FGGY: variants seen among roughly 807,000 people sequenced by gnomAD.
The protein encoded by FGGY is FGGY carbohydrate kinase domain containing, also known as FGGY carbohydrate kinase domain-containing protein.
A neutral mutation model predicts 71.3 loss-of-function variants in FGGY; 72 were observed. That is an observed-to-expected ratio of 1.01 (90% CI 0.84 to 1.23). The LOEUF is 1.23. Ranked by LOEUF, FGGY falls within the 50% of genes most tolerant of loss-of-function variation. The pLI is 0.00. For missense variants in FGGY, 668 were observed against 682.3 expected, an observed-to-expected ratio of 0.98 and a Z score of 0.23; for synonymous variants, 251 against 250.3, an observed-to-expected ratio of 1.00 and a Z score of -0.02.
intron 5 of FGGY, among the ~76,000 whole-genome samples, chr1:59,396,854 G>A (rs1404154778): frequency 2.0e-5 from 3 of 152,194 alleles, no homozygotes; most frequent in Non-Finnish European, 4.4e-5. Flanking sequence ...AGCTGTAAGA[G>A]ATAGAGTTAG....
chr1:59,378,850 C>A lies in FGGY; in HGVS notation c.554+13C>A. On this transcript the variant is annotated intron_variant, in intron 5 of 15. Transcript: ENST00000303721. ...GTGTCACAGCACGGTATGTTAATTA[C>A]AAGTTGGATTGTGTTTGCGTTCTTC... 6.2e-7 allele frequency: 1 copy of A among 1,605,016 alleles called. No individual in the cohort carries two copies. Among genetic ancestry groups the A allele is most frequent in the South Asian group, 1.1e-5 (1 of 90,670 alleles).
At position 59,456,958 on chromosome 1, in the gene FGGY, TA is replaced by T. The variant is rs756321188; in HGVS notation, c.555-2del. 1.2e-6 allele frequency: 2 copies of T among 1,608,100 alleles called. No homozygotes were observed. The highest frequency in any genetic ancestry group is 2.2e-5 in the South Asian group (2 of 90,936). The stretch of plus-strand genomic sequence containing the variant: ...TCTATCTATATCTCTTCTATTTTCT[TA>T]GGTCTCTCTGCTCCCTGGTGTGTAA... On this transcript the variant is annotated splice_acceptor_variant, in intron 5 of 15. Coordinates refer to ENST00000303721, the MANE Select transcript of FGGY (RefSeq NM_018291.5). LOFTEE classifies it high-confidence loss of function.
intron 9 of FGGY, among the ~76,000 whole-genome samples, chr1:59,625,025 A>G (rs1419885955): frequency 2.0e-5 from 3 of 152,270 alleles, no homozygotes; most frequent in South Asian, 2.1e-4. Flanking sequence ...TGAACAAATT[A>G]TCTTCTTTAC....
At chr1:59,340,470 C>G (rs1212211043) in intron 3 of FGGY, among the ~76,000 whole-genome samples, 1 of 152,134 alleles carries the variant, frequency 6.6e-6, no homozygotes, top group African/African-American at 2.4e-5. Flanking sequence ...GAGCCAAGTC[C>G]TTTGAAAGGA....
At chr1:59,320,237 T>A (rs997892024) in intron 1 of FGGY, among the ~76,000 whole-genome samples, 1 of 152,258 alleles carries the variant, frequency 6.6e-6, no homozygotes, top group Non-Finnish European at 1.5e-5. Flanking sequence ...TTACTTTTAA[T>A]GAAGTTTTTA....
At chr1:59,465,818 A>C (rs140031757) in intron 6 of FGGY, among the ~76,000 whole-genome samples, 2,115 of 152,328 alleles carry the variant, frequency 0.014, 39 homozygotes, top group African/African-American at 0.048. Context: ...GTACCTCTTC[A>C]AGGAGAACTA....
chr1:59,667,370 C>T lies in FGGY; in HGVS notation c.1384C>T (p.Pro462Ser). ...CCTATGTGGAGGCCTCAGCAAGAAT[C>T]CCCTTTTTGTGCAAATGCATGCGGA... ...LFLCGGLSKN[P>S]LFVQMHADIT... The change falls in exon 13 of 16, where the codon CCC (proline) becomes TCC (serine). Residue 462 changes from proline (P) to serine (S), a missense_variant. Pro to Ser is a moderately conservative substitution (Grantham distance 74, BLOSUM62 -1). Transcript: ENST00000303721. 2 of 1,614,150 alleles carry T rather than the reference C, an allele frequency of 1.2e-6. No individual in the cohort carries two copies. Among genetic ancestry groups the T allele is most frequent in the Non-Finnish European group, 1.7e-6 (2 of 1,180,006 alleles).
chr1:59,556,428 G>A (rs112552028), intron 8 of FGGY, among the ~76,000 whole-genome samples: 178 of 152,294 alleles, frequency 1.2e-3, no homozygotes, highest in African/African-American at 3.4e-3. Context: ...GACCTAAAGC[G>A]TAGAAAAGTC....
intron 8 of FGGY, among the ~76,000 whole-genome samples, chr1:59,606,655 G>A (rs2096626475): frequency 6.6e-6 from 1 of 152,168 alleles, no homozygotes; most frequent in East Asian, 1.9e-4. Flanking sequence ...TGCTGACAGG[G>A]AGATAAAGCT....
chr1:59,668,852 G>A (rs549648465), intron 13 of FGGY, among the ~76,000 whole-genome samples: 3 of 152,080 alleles, frequency 2.0e-5, no homozygotes, highest in African/African-American at 4.8e-5. Flanking sequence ...TTAGCCAGGC[G>A]TGGTGGCGCA....
At chr1:59,439,890 T>A (rs1282078636) in intron 5 of FGGY, among the ~76,000 whole-genome samples, 1 of 152,172 alleles carries the variant, frequency 6.6e-6, no homozygotes, top group Non-Finnish European at 1.5e-5. Flanking sequence ...AAGTGATCGT[T>A]GATTTTAGAT....
intron 6 of FGGY, among the ~76,000 whole-genome samples, chr1:59,505,262 G>A (rs546115159): frequency 1.6e-4 from 24 of 152,310 alleles, no homozygotes; most frequent in Admixed American, 9.1e-4. Context: ...CTACTTGAGC[G>A]TAGGGGCCTT....
intron 8 of FGGY, among the ~76,000 whole-genome samples, chr1:59,603,951 C>T (rs1040614720): frequency 2.6e-5 from 4 of 152,198 alleles, no homozygotes. Flanking sequence ...TTTTGTAACA[C>T]TGGGCATGTT....
intron 6 of FGGY, among the ~76,000 whole-genome samples, chr1:59,483,514 C>T (rs888099007): frequency 2.0e-5 from 3 of 152,094 alleles, no homozygotes; most frequent in Admixed American, 2.0e-4. Context: ...CAAACTTTTC[C>T]TAAACAGGAC....
chr1:59,341,379 A>G (rs567607486), intron 3 of FGGY, among the ~76,000 whole-genome samples: 3 of 152,246 alleles, frequency 2.0e-5, no homozygotes, highest in Non-Finnish European at 4.4e-5. Flanking sequence ...AGGACTATAA[A>G]TGATCATCTA....
chr1:59,757,993 G>A lies in FGGY; in HGVS notation c.1574+1G>A, dbSNP rs1559009205. On this transcript the variant is annotated splice_donor_variant, in intron 15 of 15. Transcript: ENST00000303721. LOFTEE classifies it high-confidence loss of function. The stretch of plus-strand genomic sequence containing the variant: ...TGTTCCCGAGACTACAGGATAAAAA[G>A]TAAGTGTGTATTTTTTATATGTACA... 6.2e-7 allele frequency: 1 copy of A among 1,609,888 alleles called. No homozygotes were observed. The highest frequency in any genetic ancestry group is 8.5e-7 in the Non-Finnish European group (1 of 1,176,784).
At chr1:59,409,165 A>AT (rs945892985) in intron 5 of FGGY, among the ~76,000 whole-genome samples, 1 of 152,058 alleles carries the variant, frequency 6.6e-6, no homozygotes, top group Non-Finnish European at 1.5e-5. Context: ...TAGAATTATG[A>AT]TTTTTTTCTT....
chr1:59,327,393 GC>G (rs2047640306), intron 2 of FGGY, among the ~76,000 whole-genome samples: 3 of 152,150 alleles, frequency 2.0e-5, no homozygotes, highest in Admixed American at 2.0e-4. Context: ...ATAAGAAGCA[GC>G]CCCTCATCGG....
In FGGY at chr1:59,378,817, G is replaced by A; in HGVS notation, c.534G>A (p.Lys178=). The change falls in exon 5 of 16, where the codon AAG becomes AAA. Residue 178 remains lysine, a synonymous_variant. Transcript: ENST00000303721. ...FFDLPDFLSW[K]ATGVTARSLC... ...ATCTCCCGGACTTCTTATCGTGGAA[G>A]GCAACAGGTGTCACAGCACGGTATG... is the stretch of plus-strand genomic sequence containing the variant. 1 of 1,613,400 alleles carries A rather than the reference G, an allele frequency of 6.2e-7. No individual in the cohort carries two copies. The highest frequency in any genetic ancestry group is 2.2e-5 in the East Asian group (1 of 44,860).
Sources: allele counts gnomAD v4.1 joint callset (sites outside exome capture counted in the v4.1 genomes callset), GRCh38; gene constraint gnomAD v4.1.1; transcripts MANE v1.5; gene names NCBI Gene and HGNC (gene_info 2026-07-23, HGNC 2026-07-21).